CDKL3: variants seen among roughly 807,000 people sequenced by gnomAD.
CDKL3 encodes the protein cyclin-dependent kinase-like 3.
In CDKL3, 65 loss-of-function variants were observed where a neutral mutation model predicts 69.3. That is an observed-to-expected ratio of 0.94 (90% CI 0.77 to 1.15). The LOEUF (loss-of-function observed/expected upper bound fraction) is 1.15. Among genes scored for constraint, CDKL3 ranks in the 50% most tolerant of loss-of-function variants. The pLI is 0.00. For missense variants in CDKL3, 652 were observed against 689.2 expected (o/e 0.95, Z 0.61); for synonymous variants, 202 against 221.6 (o/e 0.91, Z 0.79).
chr5:134,360,471 C>T (rs1475118984), intron 2 of CDKL3, among the ~76,000 whole-genome samples: 1 of 152,182 alleles, frequency 6.6e-6, no homozygotes, highest in Non-Finnish European at 1.5e-5. Context: ...TCCCCAACTC[C>T]TGGAATTGTA....
chr5:134,364,580 C>T (rs1756926990), intron 2 of CDKL3, among the ~76,000 whole-genome samples: 1 of 151,160 alleles, frequency 6.6e-6, no homozygotes, highest in African/African-American at 2.4e-5. Context: ...AGTGTGATCT[C>T]GGCTCACTGC....
rs913562185 is a variant in CDKL3, at chr5:134,298,790, C to T, written c.1720-80G>A. On this transcript the variant is annotated intron_variant, in intron 12 of 12. Coordinates refer to ENST00000265334, the MANE Select transcript of CDKL3 (RefSeq NM_001113575.2). The stretch of plus-strand genomic sequence containing the variant: ...TACCAAAACTCTGACTTTATTAATG[C>T]TAAATTACATGTAAATTACTAAATT... 108 of 1,529,484 alleles carry T rather than the reference C, an allele frequency of 7.1e-5. No homozygotes were observed. In the African/African-American group the frequency reaches 1.3e-3, roughly 18 times the overall value. 94.7% of individuals were successfully genotyped at this position (1,529,484 alleles called of 1,614,324 possible). A position where few individuals can be genotyped will look rare whatever the true frequency, so the allele number is the denominator to read the frequency against.
chr5:134,364,416 CTT>C (rs1259311054), intron 2 of CDKL3, among the ~76,000 whole-genome samples: 4 of 152,198 alleles, frequency 2.6e-5, no homozygotes, highest in Non-Finnish European at 5.9e-5. Context: ...AACCATGTCT[CTT>C]TTGAGTCTTT....
At chr5:134,341,155 T>C (rs912795425) in intron 4 of CDKL3, among the ~76,000 whole-genome samples, 1 of 152,130 alleles carries the variant, frequency 6.6e-6, no homozygotes, top group Non-Finnish European at 1.5e-5. Flanking sequence ...CCCTTCATGA[T>C]AAAAGCACTC....
Position 134,312,391 on chromosome 5 carries a change from A to T in CDKL3, c.793-11T>A. 6.5e-7 allele frequency: 1 copy of T among 1,527,960 alleles called. No individual in the cohort carries two copies. The highest frequency in any genetic ancestry group is 8.9e-7 in the Non-Finnish European group (1 of 1,125,742). The allele number at this position is 1,527,960 out of a possible 1,614,324, so 94.7% of individuals were successfully genotyped here. Reference sequence around the variant, plus strand: ...AATTTGTAAACAAGCCTAGGAAAGGAAAAAGATTTTAATAAGTGAGCTCTC... The same window carrying T: ...AATTTGTAAACAAGCCTAGGAAAGGTAAAAGATTTTAATAAGTGAGCTCTC... On this transcript the variant is annotated splice_polypyrimidine_tract_variant and intron_variant, in intron 6 of 12. Coordinates refer to ENST00000265334, the MANE Select transcript of CDKL3 (RefSeq NM_001113575.2).
chr5:134,350,831 G>GAAAAAAAAAAAAAAAAAAAAAA (rs112330114), intron 3 of CDKL3, among the ~76,000 whole-genome samples: 1 of 82,424 alleles, frequency 1.2e-5, no homozygotes, highest in Non-Finnish European at 2.9e-5. Context: ...AGAAAAAAAA[G>GAAAAAAAAAAAAAAAAAAAAAA]AAAAAAAAAA....
At chr5:134,301,888 A>AAAACAAACAAACAAAC (rs113592653) in intron 12 of CDKL3, among the ~76,000 whole-genome samples, 2 of 151,446 alleles carry the variant, frequency 1.3e-5, no homozygotes, top group African/African-American at 4.9e-5. Context: ...CTCCGTCTCA[A>AAAACAAACAAACAAAC]AAACAAACAA....
rs1337762611 is a variant in CDKL3 at position 134,304,423 on chromosome 5, C to A, written c.1603G>T (p.Asp535Tyr). ...PELPVTIQSKDTKGMEVKQIK... is the reference protein window; with the variant it reads ...PELPVTIQSKYTKGMEVKQIK... ...TGTGTACCTTCCATTCCTTTTGTAT[C>A]TTTTGACTGTATTGTGACAGGCAAT... The change falls in exon 11 of 13, where the codon GAT becomes TAT. Residue 535 changes from aspartate (D) to tyrosine (Y), a missense_variant. Asp to Tyr is a radical substitution (Grantham distance 160). Transcript: ENST00000265334. 6.2e-7 allele frequency: 1 copy of A among 1,610,988 alleles called. No individual in the cohort carries two copies. The highest frequency in any genetic ancestry group is 1.1e-5 in the South Asian group (1 of 90,484).
chr5:134,296,807 ACACACACACGCACG>A (rs969154910), downstream of CDKL3, among the ~76,000 whole-genome samples: 2 of 151,778 alleles, frequency 1.3e-5, no homozygotes, highest in Admixed American at 1.3e-4. Flanking sequence ...ACACACACAC[ACACACACACGCACG>A]CACACACACG....
intron 2 of CDKL3, among the ~76,000 whole-genome samples, chr5:134,362,360 A>G (rs1326414494): frequency 1.3e-5 from 2 of 152,156 alleles, no homozygotes; most frequent in Non-Finnish European, 2.9e-5. Context: ...TCTCTACTAA[A>G]AATACAAAAT....
At chr5:134,291,681 G>A (rs1765130631) in intron 8 of CDKL3, among the ~76,000 whole-genome samples, 1 of 152,044 alleles carries the variant, frequency 6.6e-6, no homozygotes, top group Non-Finnish European at 1.5e-5. Context: ...GGCTGAGACA[G>A]GAGAATCGCT....
At chr5:134,337,597 C>T (rs2149547531) in intron 4 of CDKL3, among the ~76,000 whole-genome samples, 1 of 152,268 alleles carries the variant, frequency 6.6e-6, no homozygotes, top group Middle Eastern at 3.4e-3. Context: ...CCTGTAATCC[C>T]AGCACTTTGG....
downstream of CDKL3, among the ~76,000 whole-genome samples, chr5:134,296,638 T>C (rs574438551): frequency 1.2e-4 from 19 of 152,248 alleles, no homozygotes; most frequent in Admixed American, 9.8e-4. Context: ...TTAAGGTCTA[T>C]AGTTGCTTAT....
At chr5:134,359,608 CTAA>C (rs1172849638) in intron 3 of CDKL3, among the ~76,000 whole-genome samples, 1 of 152,038 alleles carries the variant, frequency 6.6e-6, no homozygotes, top group Non-Finnish European at 1.5e-5. Flanking sequence ...TATACTTTCT[CTAA>C]TAATAGTGCT....
At chr5:134,330,771 A>G (rs1369441546) in intron 4 of CDKL3, among the ~76,000 whole-genome samples, 1 of 152,230 alleles carries the variant, frequency 6.6e-6, no homozygotes, top group Non-Finnish European at 1.5e-5. Context: ...TCTCACAAGA[A>G]GCAGATATTA....
intron 8 of CDKL3, among the ~76,000 whole-genome samples, chr5:134,290,590 A>G (rs879494890): frequency 5.3e-5 from 8 of 152,292 alleles, no homozygotes; most frequent in Admixed American, 4.6e-4. Flanking sequence ...GGGGAGAGGC[A>G]TACTGTGTAG....
intron 3 of CDKL3, among the ~76,000 whole-genome samples, chr5:134,357,397 C>T (rs1386506732): frequency 6.6e-6 from 1 of 151,572 alleles, no homozygotes; most frequent in Admixed American, 6.6e-5. Context: ...TGAGATCACG[C>T]CATTGCACTC....
At chr5:134,291,793 T>C (rs1372111221) in intron 8 of CDKL3, among the ~76,000 whole-genome samples, 12 of 151,248 alleles carry the variant, frequency 7.9e-5, no homozygotes, top group African/African-American at 2.7e-4. Flanking sequence ...AAAAAGGAAC[T>C]CTTTAACTGA....
intron 7 of CDKL3, among the ~76,000 whole-genome samples, chr5:134,309,599 C>T (rs1768839531): frequency 6.6e-6 from 1 of 152,116 alleles, no homozygotes; most frequent in Non-Finnish European, 1.5e-5. Context: ...CACCCCTTCC[C>T]TGAACTGCAC....
Sources: gnomAD v4.1 joint callset for allele counts (sites outside exome capture counted in the v4.1 genomes callset) on GRCh38, gnomAD v4.1.1 for gene constraint, MANE v1.5 for transcripts, NCBI Gene and HGNC (gene_info 2026-07-23, HGNC 2026-07-21) for gene names.